The following PRKAR1B variants were observed in gnomAD, a reference collection of about 807,000 sequenced individuals.
PRKAR1B encodes the protein protein kinase cAMP-dependent type I regulatory subunit beta.
Under a neutral mutation model 46.5 loss-of-function variants are expected in PRKAR1B, and 22 were observed. That is an observed-to-expected ratio of 0.47 (90% CI 0.34 to 0.68). PRKAR1B has a LOEUF of 0.68. Ranked by LOEUF, PRKAR1B falls within the 30% of genes least tolerant of loss-of-function variation. The pLI is 0.01. For missense variants in PRKAR1B, 445 were observed against 535.6 expected (o/e 0.83, Z 1.67); for synonymous variants, 259 against 217.7 (o/e 1.19, Z -1.67).
At chr7:715,139 CCAGCCTGGG>C (rs1183363040) in intron 1 of PRKAR1B, among the ~76,000 whole-genome samples, 2 of 152,138 alleles carry the variant, frequency 1.3e-5, no homozygotes, top group Non-Finnish European at 2.9e-5. Context: ...CCACTGCACT[CCAGCCTGGG>C]CAGCAAAAGA....
Position 715,932 on chromosome 7 carries a change from G to A in PRKAR1B, c.-22-4405C>T, listed in dbSNP as rs557003810. ...GGGTTTCACCGTGTTAGCCAGGATG[G>A]TCTCGGTCTCCTGACCTCGTGATCC... is the stretch of plus-strand genomic sequence containing the variant. On this transcript the variant is annotated intron_variant, in intron 1 of 10. Transcript: ENST00000537384. Among the ~76,000 whole-genome samples, 45 of 152,202 alleles carry A rather than the reference G, an allele frequency of 3.0e-4. 1 individual carries two copies. In the East Asian group the frequency reaches 8.3e-3, roughly 28 times the overall value.
chr7:612,680 G>A (rs2128469179), intron 4 of PRKAR1B, among the ~76,000 whole-genome samples: 1 of 152,316 alleles, frequency 6.6e-6, no homozygotes, highest in South Asian at 2.1e-4. Flanking sequence ...GCCTCTTTAA[G>A]GGCATTGCAA....
intron 7 of PRKAR1B, among the ~76,000 whole-genome samples, chr7:594,521 A>G (rs1347979747): frequency 1.3e-5 from 2 of 152,118 alleles, no homozygotes; most frequent in East Asian, 3.9e-4. Context: ...GTAAGGACAG[A>G]GTGGAGGGGT....
intron 2 of PRKAR1B, chr7:697,118 T>G (rs1779783777): frequency 6.6e-6 from 1 of 152,226 alleles, no homozygotes; most frequent in Non-Finnish European, 1.5e-5. Flanking sequence ...GGAACAGGGT[T>G]TCCAGAAAGC....
At chr7:712,012 T>G (rs1204699006) in intron 1 of PRKAR1B, among the ~76,000 whole-genome samples, 1 of 125,640 alleles carries the variant, frequency 8.0e-6, no homozygotes. Flanking sequence ...GGGCGGCCTC[T>G]GCACAGGAAA....
At chr7:583,027 G>C (rs1780286062) in intron 8 of PRKAR1B, among the ~76,000 whole-genome samples, 1 of 152,138 alleles carries the variant, frequency 6.6e-6, no homozygotes, top group Non-Finnish European at 1.5e-5. Flanking sequence ...ATAATCCACA[G>C]AGACCAGGAG....
chr7:564,937 T>C (rs1229302872), intron 9 of PRKAR1B, among the ~76,000 whole-genome samples: 2 of 152,186 alleles, frequency 1.3e-5, no homozygotes, highest in Admixed American at 6.5e-5. Flanking sequence ...CTGCCCATTC[T>C]GGGAGCCACT....
chr7:607,160 C>A (rs1163162708), intron 5 of PRKAR1B, among the ~76,000 whole-genome samples: 2 of 152,166 alleles, frequency 1.3e-5, no homozygotes, highest in African/African-American at 2.4e-5. Context: ...CCCGCCACCA[C>A]ACCCAGCTAA....
chr7:556,538 T>C (rs1778450916), intron 9 of PRKAR1B, among the ~76,000 whole-genome samples: 1 of 152,114 alleles, frequency 6.6e-6, no homozygotes, highest in South Asian at 2.1e-4. Flanking sequence ...CTTTTGGAAT[T>C]TGTATTCTTA....
chr7:600,094 A>G (rs918368121), intron 6 of PRKAR1B, among the ~76,000 whole-genome samples: 1 of 152,390 alleles, frequency 6.6e-6, no homozygotes, highest in Non-Finnish European at 1.5e-5. Context: ...CAGTTTAAGA[A>G]GACAAGAACA....
chr7:672,848 G>C (rs1786342630), intron 4 of PRKAR1B, among the ~76,000 whole-genome samples: 1 of 151,790 alleles, frequency 6.6e-6, no homozygotes. Flanking sequence ...GCCTGGGCAA[G>C]AAGAGTGAAA....
chr7:723,999 C>T (rs956552420), intron 1 of PRKAR1B, among the ~76,000 whole-genome samples: 5 of 152,216 alleles, frequency 3.3e-5, no homozygotes, highest in Non-Finnish European at 7.3e-5. Flanking sequence ...TTTATGAGGA[C>T]AGCAGTCATA....
chr7:620,854 G>C lies in PRKAR1B; in HGVS notation c.441-13402C>G, dbSNP rs531191979. Among the ~76,000 whole-genome samples the C allele has an allele frequency of 2.6e-5, 4 of 152,290 alleles. No individual in the cohort carries two copies. The South Asian group carries it at 8.3e-4, about 32-fold the overall frequency. On this transcript the variant is annotated intron_variant, in intron 4 of 10. Coordinates refer to ENST00000537384, the MANE Select transcript of PRKAR1B (RefSeq NM_001164760.2). ...ATGAAAGCCATCAGAGCCTCATTGT[G>C]GTCCCTCCCTTAAAGAGCATGTAGC...
At chr7:726,419 T>C (rs919444599) in intron 1 of PRKAR1B, among the ~76,000 whole-genome samples, 13 of 152,128 alleles carry the variant, frequency 8.5e-5, no homozygotes, top group African/African-American at 3.1e-4. Context: ...CAGGGCAGGC[T>C]TCCCTAGGGG....
At chr7:613,018 A>C (rs889700726) in intron 4 of PRKAR1B, among the ~76,000 whole-genome samples, 1 of 152,210 alleles carries the variant, frequency 6.6e-6, no homozygotes, top group African/African-American at 2.4e-5. Flanking sequence ...ACAACCTAAC[A>C]CCGTGTGGTC....
At chr7:562,203 G>A (rs933298354) in intron 9 of PRKAR1B, among the ~76,000 whole-genome samples, 2 of 151,666 alleles carry the variant, frequency 1.3e-5, no homozygotes, top group African/African-American at 4.8e-5. Flanking sequence ...GGGAACCAGG[G>A]CGAGCACAGG....
At chr7:628,511 G>C (rs915353331) in intron 4 of PRKAR1B, among the ~76,000 whole-genome samples, 1 of 152,232 alleles carries the variant, frequency 6.6e-6, no homozygotes, top group Non-Finnish European at 1.5e-5. Context: ...CCGGGTTGCC[G>C]GGCTGGAGCT....
At chr7:619,586 C>T (rs762177837) in intron 4 of PRKAR1B, among the ~76,000 whole-genome samples, 8 of 152,190 alleles carry the variant, frequency 5.3e-5, no homozygotes, top group African/African-American at 7.2e-5. Flanking sequence ...GTCTTAACCA[C>T]TGCACTAAAC....
intron 6 of PRKAR1B, 109 bp from the exon 7 acceptor site, chr7:596,413 G>T: frequency 7.4e-7 from 1 of 1,347,916 alleles, no homozygotes; most frequent in Non-Finnish European, 1.0e-6. Flanking sequence ...GTCCCCGCAG[G>T]GCGGGGCACA....
Sources: allele counts gnomAD v4.1 joint callset (sites outside exome capture counted in the v4.1 genomes callset), GRCh38; gene constraint gnomAD v4.1.1; transcripts MANE v1.5; gene names NCBI Gene and HGNC (gene_info 2026-07-23, HGNC 2026-07-21).